UBR3: variants seen among roughly 807,000 people sequenced by gnomAD.
UBR3 encodes the protein ubiquitin protein ligase E3 component n-recognin 3, also known as E3 ubiquitin-protein ligase UBR3.
A neutral mutation model predicts 243.2 loss-of-function variants in UBR3; 85 were observed. The ratio of observed to expected loss-of-function variants is 0.35; its 90% CI spans 0.29 to 0.42. The LOEUF (loss-of-function observed/expected upper bound fraction) is 0.42. UBR3 is among the 10% of genes least tolerant of loss of function. The pLI is 1.00. For missense variants in UBR3, 1,686 were observed against 2,300.8 expected (o/e 0.73, Z 5.47); for synonymous variants, 748 against 799.8 (o/e 0.94, Z 1.09).
At chr2:169,898,161 T>C (rs181988564) in intron 8 of UBR3, among the ~76,000 whole-genome samples, 3 of 152,302 alleles carry the variant, frequency 2.0e-5, no homozygotes, top group Admixed American at 2.0e-4. Flanking sequence ...AATTAAATCT[T>C]AGGACCTCTC....
chr2:169,931,378 G>T (rs372297614), intron 18 of UBR3, among the ~76,000 whole-genome samples: 1 of 136,694 alleles, frequency 7.3e-6, no homozygotes, highest in Non-Finnish European at 1.6e-5. Context: ...AAAAAAGGAC[G>T]ATAAATGATT....
At chr2:169,935,283 AC>A (rs1433235392) in intron 19 of UBR3, among the ~76,000 whole-genome samples, 1 of 151,816 alleles carries the variant, frequency 6.6e-6, no homozygotes, top group African/African-American at 2.4e-5. Flanking sequence ...TTCCCATCTT[AC>A]CCCCCTGAGT....
intron 2 of UBR3, among the ~76,000 whole-genome samples, chr2:169,873,825 A>G (rs894216492): frequency 1.2e-4 from 19 of 152,224 alleles, no homozygotes; most frequent in African/African-American, 4.3e-4. Context: ...TATTTCTTAT[A>G]TACTAGTTAG....
intron 30 of UBR3, among the ~76,000 whole-genome samples, chr2:170,017,546 GACACACACACACACACACAC>G (rs34813217): frequency 1.0e-4 from 13 of 125,756 alleles, no homozygotes; most frequent in Non-Finnish European, 1.8e-4. Flanking sequence ...CACACACACA[GACACACACACACACACACAC>G]ACACACACAC....
In UBR3 at chr2:169,837,680, T is replaced by C. The variant is rs2082153543; in HGVS notation, c.545+9628T>C. Among the ~76,000 whole-genome samples, 2 of 152,154 alleles carry C rather than the reference T, an allele frequency of 1.3e-5. 1 individual carries two copies. The highest frequency in any genetic ancestry group is 4.1e-4 in the South Asian group (2 of 4,832). On this transcript the variant is annotated intron_variant, in intron 1 of 38. Transcript: ENST00000272793. ...TAAAACCATTACATCTCGTGAGAAC[T>C]CACTCACTATCATGAGAACAACATA...
At chr2:169,857,475 T>G (rs10205795) in intron 1 of UBR3, among the ~76,000 whole-genome samples, 148,510 of 152,020 alleles carry the variant, frequency 0.98, 72,625 homozygotes, top group East Asian at 1. Context: ...GGAGTGCAAT[T>G]GTGCGATCTC....
chr2:170,002,499 TC>T (rs936046990), intron 27 of UBR3, among the ~76,000 whole-genome samples: 4 of 152,256 alleles, frequency 2.6e-5, no homozygotes, highest in Admixed American at 2.6e-4. Context: ...GTTGTCACAT[TC>T]CCTTAGATTC....
chr2:170,027,762 T>G (rs576687619), intron 30 of UBR3, among the ~76,000 whole-genome samples: 26 of 152,082 alleles, frequency 1.7e-4, no homozygotes, highest in African/African-American at 6.0e-4. Flanking sequence ...AAAGTATAAA[T>G]TATATGCTTA....
chr2:169,839,514 AAGAG>A (rs2082219458), intron 1 of UBR3, among the ~76,000 whole-genome samples: 1 of 50,592 alleles, frequency 2.0e-5, no homozygotes, highest in Admixed American at 2.7e-4. Context: ...AAATAGCTAG[AAGAG>A]AAGAATTTGA....
At chr2:170,028,132 TAG>T (rs2090579042) in intron 30 of UBR3, among the ~76,000 whole-genome samples, 1 of 151,950 alleles carries the variant, frequency 6.6e-6, no homozygotes, top group Non-Finnish European at 1.5e-5. Context: ...CTGTTCGTTA[TAG>T]AGAGATCAGA....
intron 24 of UBR3, among the ~76,000 whole-genome samples, chr2:169,966,294 C>T (rs1294218660): frequency 2.0e-5 from 3 of 152,134 alleles, no homozygotes; most frequent in Non-Finnish European, 4.4e-5. Context: ...AACAGAATTA[C>T]GTTCCCAGTG....
chr2:169,848,442 GT>G (rs970492341), intron 1 of UBR3, among the ~76,000 whole-genome samples: 1 of 149,758 alleles, frequency 6.7e-6, no homozygotes, highest in African/African-American at 2.5e-5. Context: ...TTACTTAGAT[GT>G]TTAACTTAAT....
chr2:170,005,748 A>G (rs2105403750), intron 27 of UBR3, among the ~76,000 whole-genome samples: 2 of 152,310 alleles, frequency 1.3e-5, no homozygotes, highest in East Asian at 3.9e-4. Flanking sequence ...GGACTAAGGT[A>G]TAAGATTGGT....
intron 1 of UBR3, among the ~76,000 whole-genome samples, chr2:169,839,426 G>A (rs1405288058): frequency 6.6e-6 from 1 of 152,148 alleles, no homozygotes; most frequent in African/African-American, 2.4e-5. Context: ...ATGGTTTGAT[G>A]GAAGAAATAA....
At chr2:169,831,683 C>T (rs1389072264) in intron 1 of UBR3, among the ~76,000 whole-genome samples, 1 of 152,140 alleles carries the variant, frequency 6.6e-6, no homozygotes, top group African/African-American at 2.4e-5. Context: ...TGTTGACCAG[C>T]TCTGCAACCT....
At chr2:169,857,091 T>TTTTTTTTTTTTTTTG (rs2082911942) in intron 1 of UBR3, among the ~76,000 whole-genome samples, 1 of 118,594 alleles carries the variant, frequency 8.4e-6, no homozygotes, top group African/African-American at 4.0e-5. Flanking sequence ...TTTTTTTTTT[T>TTTTTTTTTTTTTTTG]GAGACGGAGT....
chr2:169,917,710 A>T (rs1459696494), intron 11 of UBR3, among the ~76,000 whole-genome samples: 1 of 152,028 alleles, frequency 6.6e-6, no homozygotes, highest in Non-Finnish European at 1.5e-5. Context: ...TTTATTTATT[A>T]TTTTTTTCGA....
chr2:169,871,017 A>G (rs2083421475), intron 1 of UBR3, among the ~76,000 whole-genome samples: 2 of 151,068 alleles, frequency 1.3e-5, no homozygotes, highest in Admixed American at 1.3e-4. Flanking sequence ...GTTTTTCTCT[A>G]TTTATTCAGA....
At chr2:170,041,984 A>C (rs931775985) in intron 32 of UBR3, among the ~76,000 whole-genome samples, 2 of 151,716 alleles carry the variant, frequency 1.3e-5, no homozygotes, top group Admixed American at 1.3e-4. Context: ...CCATTTAAAC[A>C]ATTTAAAGTA....
Sources: gnomAD v4.1 joint callset for allele counts (sites outside exome capture counted in the v4.1 genomes callset) on GRCh38, gnomAD v4.1.1 for gene constraint, MANE v1.5 for transcripts, NCBI Gene and HGNC (gene_info 2026-07-23, HGNC 2026-07-21) for gene names.